The following COTL1 variants were observed in gnomAD, a reference collection of about 807,000 sequenced individuals.
The protein encoded by COTL1 is coactosin-like protein.
COTL1 carries 15 observed loss-of-function variants against 16.5 expected under a neutral mutation model. The ratio of observed to expected loss-of-function variants is 0.91; its 90% CI spans 0.61 to 1.40. The LOEUF is 1.40. COTL1 is among the 40% of genes most tolerant of loss of function. The pLI is 0.00. For missense variants in COTL1, 220 were observed against 201.5 expected, an observed-to-expected ratio of 1.09 and a Z score of -0.56; for synonymous variants, 112 against 85.3, an observed-to-expected ratio of 1.31 and a Z score of -1.73.
At chr16:84,614,773 A>G (rs555242392) in intron 2 of COTL1, among the ~76,000 whole-genome samples, 52 of 152,268 alleles carry the variant, frequency 3.4e-4, no homozygotes, top group African/African-American at 1.3e-3. Flanking sequence ...TGGGGCCACA[A>G]AAGAGCCCTC....
intron 2 of COTL1, among the ~76,000 whole-genome samples, chr16:84,598,349 A>G (rs1905047161): frequency 6.6e-6 from 1 of 152,200 alleles, no homozygotes; most frequent in East Asian, 1.9e-4. Flanking sequence ...TAGAAGCCCC[A>G]GGCAGGGCCC....
Position 84,593,547 on chromosome 16 carries a change from C to T in COTL1, c.161-3285G>A, listed in dbSNP as rs866048263. 1.6e-4 allele frequency among the ~76,000 whole-genome samples: 24 copies of T among 151,530 alleles called. No homozygotes were observed. In the South Asian group the frequency reaches 2.3e-3, roughly 14 times the overall value. On this transcript the variant is annotated intron_variant, in intron 2 of 3. Coordinates refer to ENST00000262428, the MANE Select transcript of COTL1 (RefSeq NM_021149.5). Reference sequence around the variant, plus strand: ...TTTTTTTGAGAAGGGAGTCTCGCTCCGTCGCCCAGGCTGGAGTGCAGTGGC... The same window carrying T: ...TTTTTTTGAGAAGGGAGTCTCGCTCTGTCGCCCAGGCTGGAGTGCAGTGGC...
intron 2 of COTL1, among the ~76,000 whole-genome samples, chr16:84,601,405 G>A (rs1304331056): frequency 6.6e-6 from 1 of 152,176 alleles, no homozygotes; most frequent in East Asian, 1.9e-4. Context: ...GCTCTGCCTG[G>A]GCAGCTGTGA....
intron 2 of COTL1, chr16:84,616,261 GAGGCCA>G (rs1473343878): frequency 1.3e-5 from 2 of 152,160 alleles, no homozygotes; most frequent in Admixed American, 1.3e-4. Context: ...AGCACTTTGA[GAGGCCA>G]AGGTGGGCAG....
At chr16:84,583,807 C>T (rs1274071441) in intron 3 of COTL1, among the ~76,000 whole-genome samples, 1 of 152,142 alleles carries the variant, frequency 6.6e-6, no homozygotes, top group Non-Finnish European at 1.5e-5. Flanking sequence ...TTGGCTAGTT[C>T]ACACCATCCC....
At chr16:84,593,050 G>A (rs966905242) in intron 2 of COTL1, among the ~76,000 whole-genome samples, 1 of 152,248 alleles carries the variant, frequency 6.6e-6, no homozygotes, top group Non-Finnish European at 1.5e-5. Context: ...AGATGAGGTA[G>A]AGACGTCATG....
At chr16:84,581,323 A>G (rs1904587249) in intron 3 of COTL1, among the ~76,000 whole-genome samples, 1 of 152,174 alleles carries the variant, frequency 6.6e-6, no homozygotes, top group African/African-American at 2.4e-5. Context: ...TAAACACGCC[A>G]CATAGAAATA....
At chr16:84,602,903 G>A (rs1021125891) in intron 2 of COTL1, among the ~76,000 whole-genome samples, 2 of 152,102 alleles carry the variant, frequency 1.3e-5, no homozygotes, top group African/African-American at 4.8e-5. Flanking sequence ...AGTGTTGCTG[G>A]AGTCAGCGAT....
chr16:84,573,795 TCAA>T (rs1043527832), intron 3 of COTL1, among the ~76,000 whole-genome samples: 1 of 125,900 alleles, frequency 7.9e-6, no homozygotes, highest in South Asian at 2.5e-4. Context: ...ACACACACAC[TCAA>T]CGAGTAGTAT....
chr16:84,596,831 C>G (rs1905015703), intron 2 of COTL1: 1 of 152,868 alleles, frequency 6.5e-6, no homozygotes, highest in East Asian at 1.9e-4. Context: ...CCTGCCCTCA[C>G]AACTCTCCAC....
chr16:84,617,879 C>A lies in COTL1; in HGVS notation c.36G>T (p.Ala12=), dbSNP rs768888381. ...CGTCGTCGCGCACCAGGTTGTACGCCGCCCGGCAAGCCTCTTTGTCGATCT... is the reference window on the plus strand; with the variant it reads ...CGTCGTCGCGCACCAGGTTGTACGCAGCCCGGCAAGCCTCTTTGTCGATCT... ...ATKIDKEACR[A]AYNLVRDDGS... Residue 12 remains alanine, a synonymous_variant, in exon 1 of 4, where the codon GCG becomes GCT. Transcript: ENST00000262428. 1 of 1,572,756 alleles carries A rather than the reference C, an allele frequency of 6.4e-7. No individual in the cohort carries two copies. Among genetic ancestry groups the A allele is most frequent in the South Asian group, 1.2e-5 (1 of 86,072 alleles).
intron 3 of COTL1, among the ~76,000 whole-genome samples, chr16:84,572,574 C>T (rs1012158790): frequency 1.3e-5 from 2 of 152,104 alleles, no homozygotes; most frequent in Admixed American, 6.5e-5. Context: ...GATCCTCCCA[C>T]CTCCGCCTTC....
At chr16:84,612,214 A>G (rs1905345391) in intron 2 of COTL1, among the ~76,000 whole-genome samples, 1 of 152,224 alleles carries the variant, frequency 6.6e-6, no homozygotes. Context: ...GCAGGTTACC[A>G]GATGGGTAAC....
intron 2 of COTL1, among the ~76,000 whole-genome samples, chr16:84,603,587 G>A (rs918032631): frequency 3.3e-5 from 4 of 122,206 alleles, no homozygotes; most frequent in African/African-American, 3.2e-5. Context: ...GTTGGGAAGC[G>A]CTAGGTGAGG....
chr16:84,582,017 G>C (rs1253766397), intron 3 of COTL1, among the ~76,000 whole-genome samples: 1 of 106,482 alleles, frequency 9.4e-6, no homozygotes, highest in Non-Finnish European at 1.7e-5. Context: ...ATGGAGTCTT[G>C]CTCTGTTGCC....
intron 2 of COTL1, chr16:84,595,813 G>T (rs1179409101): frequency 6.6e-6 from 1 of 152,114 alleles, no homozygotes; most frequent in African/African-American, 2.4e-5. Context: ...GTTTGTATAT[G>T]TGTGTATATA....
At chr16:84,581,827 A>G (rs1243302038) in intron 3 of COTL1, among the ~76,000 whole-genome samples, 1 of 151,938 alleles carries the variant, frequency 6.6e-6, no homozygotes, top group Non-Finnish European at 1.5e-5. Flanking sequence ...TTGAAACAGA[A>G]GCAGAGATTT....
At chr16:84,588,162 C>T (rs1054458395) in intron 3 of COTL1, among the ~76,000 whole-genome samples, 1 of 152,002 alleles carries the variant, frequency 6.6e-6, no homozygotes, top group Admixed American at 6.6e-5. Context: ...TGTAGGAATG[C>T]TTGAGTCCAG....
intron 3 of COTL1, among the ~76,000 whole-genome samples, chr16:84,584,225 G>A (rs1904667269): frequency 6.6e-6 from 1 of 152,224 alleles, no homozygotes; most frequent in Admixed American, 6.5e-5. Context: ...CTGGAGTCTG[G>A]GCATCGCAAT....
Sources: allele counts gnomAD v4.1 joint callset (sites outside exome capture counted in the v4.1 genomes callset), GRCh38; gene constraint gnomAD v4.1.1; transcripts MANE v1.5; gene names NCBI Gene and HGNC (gene_info 2026-07-23, HGNC 2026-07-21).